The following RASSF4 variants were observed in gnomAD, a reference collection of about 807,000 sequenced individuals.
The protein encoded by RASSF4 is Ras association domain family member 4.
RASSF4 carries 38 observed loss-of-function variants against 41.1 expected under a neutral mutation model. The ratio of observed to expected loss-of-function variants is 0.92; its 90% CI spans 0.71 to 1.21. The LOEUF is 1.21. Among genes scored for constraint, RASSF4 ranks in the 50% most tolerant of loss-of-function variants. The probability of loss-of-function intolerance (pLI) is 0.00; values close to 1 mark genes in which losing one functional copy is unlikely to be tolerated. For missense variants in RASSF4, 414 were observed against 419.4 expected (o/e 0.99, Z 0.11); for synonymous variants, 179 against 163.4 (o/e 1.10, Z -0.73).
At position 44,969,329 on chromosome 10, in the gene RASSF4, CTGTGTGTGGAAAGAGGGAATAGTA is replaced by C. The variant is rs533961498; in HGVS notation, c.-38-824_-38-801del. Among the ~76,000 whole-genome samples, 67 of 151,940 alleles carry C rather than the reference CTGTGTGTGGAAAGAGGGAATAGTA, an allele frequency of 4.4e-4. No individual in the cohort carries two copies. In the East Asian group the frequency reaches 0.012, roughly 26 times the overall value. ...GAGCGGCTCCTCAAACCAATCAAGGCTGTGTGTGGAAAGAGGGAATAGTATGTGTGTGGAACAGTGTGTGTGAAC... is the reference window on the plus strand; with the variant it reads ...GAGCGGCTCCTCAAACCAATCAAGGCTGTGTGTGGAACAGTGTGTGTGAAC... On this transcript the variant is annotated intron_variant, in intron 1 of 10. Transcript: ENST00000340258.
At position 44,993,674 on chromosome 10, in the gene RASSF4, A is replaced by C. The variant is rs545534078; in HGVS notation, c.*345A>C. On this transcript the variant is annotated 3_prime_UTR_variant, in exon 11 of 11. Coordinates refer to ENST00000340258, the MANE Select transcript of RASSF4 (RefSeq NM_032023.4). ...TCTGCTTGCACATTGCCTGTCCCAG[A>C]GCCCCTGTGGGTCCACAAGCCCCTG... 17 of 258,998 alleles carry C rather than the reference A, an allele frequency of 6.6e-5. No homozygotes were observed. The highest frequency in any genetic ancestry group is 3.4e-4 in the African/African-American group (16 of 46,894). The allele number at this position is 258,998 out of a possible 1,614,324, so 16.0% of individuals were successfully genotyped here.
Position 44,991,793 on chromosome 10 carries a change from T to A in RASSF4, c.808-112T>A, listed in dbSNP as rs997355002. On this transcript the variant is annotated intron_variant, in intron 9 of 10. Coordinates refer to ENST00000340258, the MANE Select transcript of RASSF4 (RefSeq NM_032023.4). ...TGGGGTGGGAAAAGCGGCAGCTCCT[T>A]CTGTGGATACAAGATGTTGGCTGGA... 2.6e-5 allele frequency: 18 copies of A among 696,194 alleles called. No individual in the cohort carries two copies. The East Asian group carries it at 4.6e-4, about 18-fold the overall frequency. The allele number at this position is 696,194 out of a possible 1,614,324, so 43.1% of individuals were successfully genotyped here.
rs1485369762 is a variant in RASSF4 at position 44,970,217 on chromosome 10, T to C, written c.15T>C (p.Cys5=). Residue 5 remains cysteine (C), a synonymous_variant, in exon 2 of 11, where the codon TGT becomes TGC. Transcript: ENST00000340258. ...AGGAAGAGAAGATGAAGGAAGACTG[T>C]CTGCCGAGTTCTCACGTGCCCATCA... MKED[C]LPSSHVPISD... is the part of the protein sequence containing the mutation. The C allele has an allele frequency of 3.1e-6, 5 of 1,614,058 alleles. No homozygotes were observed. Among genetic ancestry groups the C allele is most frequent in the Non-Finnish European group, 4.2e-6 (5 of 1,179,872 alleles).
intron 1 of RASSF4, among the ~76,000 whole-genome samples, chr10:44,968,068 G>A (rs1174428029): frequency 6.6e-6 from 1 of 152,206 alleles, no homozygotes; most frequent in African/African-American, 2.4e-5. Context: ...AAGTTGGGGT[G>A]GAAGCTGGAT....
chr10:44,974,940 G>A (rs1005546379), intron 3 of RASSF4, among the ~76,000 whole-genome samples: 1 of 152,248 alleles, frequency 6.6e-6, no homozygotes, highest in Non-Finnish European at 1.5e-5. Context: ...TTTGAAGATG[G>A]CAAAGGGCTT....
intron 6 of RASSF4, among the ~76,000 whole-genome samples, chr10:44,988,254 A>G (rs561944162): frequency 6.6e-6 from 1 of 152,282 alleles, no homozygotes; most frequent in African/African-American, 2.4e-5. Context: ...ATTCCTTTCT[A>G]AGAAAAGGGG....
intron 2 of RASSF4, 138 bp from the exon 3 acceptor site, chr10:44,971,633 CCT>C: frequency 1.3e-6 from 1 of 767,946 alleles, no homozygotes; most frequent in Non-Finnish European, 2.4e-6. Flanking sequence ...AGTCTGGTCT[CCT>C]CTGGTTATGC....
At chr10:44,977,626 T>G in intron 3 of RASSF4, 1 of 1,613,120 alleles carries the variant, frequency 6.2e-7, no homozygotes, top group Non-Finnish European at 8.5e-7. Flanking sequence ...TCTGTCTATG[T>G]GGACCCCAGA....
intron 3 of RASSF4, chr10:44,977,282 G>C (rs1841474712): frequency 9.9e-6 from 14 of 1,412,752 alleles, no homozygotes; most frequent in Non-Finnish European, 1.3e-5. Flanking sequence ...GGCCTCTGCA[G>C]AAAAGCATTT....
At chr10:44,963,255 G>A (rs910582235) in intron 1 of RASSF4, among the ~76,000 whole-genome samples, 1 of 152,172 alleles carries the variant, frequency 6.6e-6, no homozygotes, top group African/African-American at 2.4e-5. Flanking sequence ...CTGGGCAGCA[G>A]GAGGGGACAG....
intron 3 of RASSF4, chr10:44,977,116 C>A: frequency 2.7e-6 from 1 of 373,750 alleles, no homozygotes; most frequent in Non-Finnish European, 4.8e-6. Context: ...CCTATATTAC[C>A]CATGAGAAAC....
rs1302351810 is a variant in RASSF4, at chr10:44,964,314, G to A, written c.-39+4448G>A. Among the ~76,000 whole-genome samples, 3 of 152,256 alleles carry A rather than the reference G, an allele frequency of 2.0e-5. No homozygotes were observed. In the East Asian group the frequency reaches 5.8e-4, roughly 29 times the overall value. ...GCTGCAGCTGATCACTCTGGTTGGG[G>A]ACAGAGTGTCCTCCAGCCTGGGAAA... On this transcript the variant is annotated intron_variant, in intron 1 of 10. Transcript: ENST00000340258.
At chr10:44,964,168 AC>A in intron 1 of RASSF4, among the ~76,000 whole-genome samples, 1 of 152,254 alleles carries the variant, frequency 6.6e-6, no homozygotes, top group Middle Eastern at 3.2e-3. Flanking sequence ...CTCTCTCTGC[AC>A]GGCTGGCAGA....
intron 9 of RASSF4, 92 bp downstream of exon 9, chr10:44,991,161 C>A: frequency 1.6e-6 from 2 of 1,243,860 alleles, no homozygotes; most frequent in Non-Finnish European, 2.2e-6. Flanking sequence ...AGAGCCCTGT[C>A]AGTTGATGTC....
intron 3 of RASSF4, chr10:44,977,185 G>T: frequency 1.7e-6 from 1 of 577,982 alleles, no homozygotes; most frequent in South Asian, 3.4e-5. Flanking sequence ...GGGTCAGAGC[G>T]AACGGGATTG....
intron 1 of RASSF4, among the ~76,000 whole-genome samples, chr10:44,968,200 C>A (rs1840982327): frequency 6.6e-6 from 1 of 152,160 alleles, no homozygotes; most frequent in South Asian, 2.1e-4. Flanking sequence ...GCAGTGTGGG[C>A]TAAGAAACCC....
chr10:44,985,826 C>A (rs534058373), intron 6 of RASSF4, among the ~76,000 whole-genome samples: 1 of 152,308 alleles, frequency 6.6e-6, no homozygotes, highest in African/African-American at 2.4e-5. Flanking sequence ...ATCTCAGGAT[C>A]TCCCTTCCAC....
chr10:44,979,562 C>T (rs1841611895), intron 3 of RASSF4, among the ~76,000 whole-genome samples: 1 of 152,076 alleles, frequency 6.6e-6, no homozygotes, highest in Non-Finnish European at 1.5e-5. Flanking sequence ...GCCACAGGTA[C>T]AGTGGTCAGG....
intron 1 of RASSF4, among the ~76,000 whole-genome samples, chr10:44,969,413 C>T (rs1174298225): frequency 6.6e-6 from 1 of 152,000 alleles, no homozygotes; most frequent in East Asian, 1.9e-4. Context: ...ATCCTGTGGG[C>T]TTGAGATTAC....
Sources: allele counts gnomAD v4.1 joint callset (sites outside exome capture counted in the v4.1 genomes callset), GRCh38; gene constraint gnomAD v4.1.1; transcripts MANE v1.5; gene names NCBI Gene and HGNC (gene_info 2026-07-23, HGNC 2026-07-21).